The following MSRA variants were observed in gnomAD, a reference collection of about 807,000 sequenced individuals.
MSRA encodes methionine sulfoxide reductase A.
In MSRA, 54 loss-of-function variants were observed where a neutral mutation model predicts 31.3. The ratio of observed to expected loss-of-function variants is 1.73; its 90% CI spans 1.39 to 2.17. The LOEUF (loss-of-function observed/expected upper bound fraction) is 2.17. MSRA is among the 30% of genes most tolerant of loss of function. The pLI is 0.00. For synonymous variants in MSRA, 169 were observed against 116.5 expected (o/e 1.45, Z -2.90); for missense variants, 507 against 300.9 (o/e 1.69, Z -5.07).
intron 5 of MSRA, among the ~76,000 whole-genome samples, chr8:10,322,253 C>A (rs1291621366): frequency 6.7e-6 from 1 of 148,958 alleles, no homozygotes; most frequent in Non-Finnish European, 1.5e-5. Flanking sequence ...AAAGAGAGAG[C>A]AATGACCTTA....
chr8:10,137,777 C>G (rs1466555), intron 1 of MSRA, among the ~76,000 whole-genome samples: 33,180 of 152,020 alleles, frequency 0.22, 4,878 homozygotes, highest in East Asian at 0.56. Flanking sequence ...TTCCAGGTAA[C>G]CCCCTGAAAC....
At chr8:10,405,705 A>C (rs1807762262) in intron 5 of MSRA, among the ~76,000 whole-genome samples, 1 of 152,250 alleles carries the variant, frequency 6.6e-6, no homozygotes, top group Non-Finnish European at 1.5e-5. Context: ...GAATGCATAC[A>C]CAACCATGTG....
At chr8:10,273,361 C>G (rs1326563670) in intron 3 of MSRA, among the ~76,000 whole-genome samples, 2 of 152,166 alleles carry the variant, frequency 1.3e-5, no homozygotes, top group Admixed American at 1.3e-4. Context: ...ACTTTATTCA[C>G]TTAGACATTA....
chr8:10,100,523 T>G (rs1221047485), intron 1 of MSRA, among the ~76,000 whole-genome samples: 1 of 152,048 alleles, frequency 6.6e-6, no homozygotes, highest in African/African-American at 2.4e-5. Context: ...CCATGGAGTC[T>G]AGGGGGCTAG....
intron 3 of MSRA, among the ~76,000 whole-genome samples, chr8:10,263,788 G>A (rs912265517): frequency 1.3e-5 from 2 of 152,196 alleles, no homozygotes; most frequent in Non-Finnish European, 2.9e-5. Flanking sequence ...TTTAGAGTGA[G>A]ATCTTCACAG....
intron 1 of MSRA, among the ~76,000 whole-genome samples, chr8:10,176,151 G>A (rs1001974016): frequency 5.3e-5 from 8 of 152,168 alleles, no homozygotes; most frequent in Admixed American, 5.2e-4. Flanking sequence ...AGTTTGAAAC[G>A]ATCTCAAATT....
At chr8:10,372,824 A>G (rs1392911964) in intron 5 of MSRA, among the ~76,000 whole-genome samples, 1 of 152,264 alleles carries the variant, frequency 6.6e-6, no homozygotes, top group African/African-American at 2.4e-5. Context: ...ACTCCAATAA[A>G]GCTAAAAATA....
rs770641155 is a variant in MSRA at position 10,428,136 on chromosome 8, G to T, written c.544-12G>T. ...GCATGGGAGCTGATGGCGCCTTTCT[G>T]TGTCCCCACAGGTTCTTTCAGAGCA... On this transcript the variant is annotated splice_polypyrimidine_tract_variant and intron_variant, in intron 5 of 5. Coordinates refer to ENST00000317173, the MANE Select transcript of MSRA (RefSeq NM_012331.5). 54 of 1,607,100 alleles carry T rather than the reference G, an allele frequency of 3.4e-5. No homozygotes were observed. The highest frequency in any genetic ancestry group is 4.4e-5 in the Non-Finnish European group (52 of 1,177,954).
At chr8:10,161,316 G>A (rs905586576) in intron 1 of MSRA, among the ~76,000 whole-genome samples, 1 of 152,084 alleles carries the variant, frequency 6.6e-6, no homozygotes, top group African/African-American at 2.4e-5. Flanking sequence ...GGCTGTTTTT[G>A]CTGTTTCCTT....
intron 3 of MSRA, among the ~76,000 whole-genome samples, chr8:10,253,148 G>C (rs1187579514): frequency 3.9e-5 from 6 of 152,166 alleles, no homozygotes; most frequent in Non-Finnish European, 7.3e-5. Flanking sequence ...TGCTGTCCTC[G>C]AATGGTAAAA....
At chr8:10,386,884 A>C (rs1216229571) in intron 5 of MSRA, among the ~76,000 whole-genome samples, 2 of 151,930 alleles carry the variant, frequency 1.3e-5, no homozygotes, top group Non-Finnish European at 2.9e-5. Flanking sequence ...AAAAAAAAAA[A>C]AAAAAAAACA....
At chr8:10,098,105 G>T (rs1173273192) in intron 1 of MSRA, among the ~76,000 whole-genome samples, 1 of 152,002 alleles carries the variant, frequency 6.6e-6, no homozygotes, top group Non-Finnish European at 1.5e-5. Context: ...GTAACATAAT[G>T]CATGCTTCTT....
At chr8:10,343,054 GAC>G (rs1202875145) in intron 5 of MSRA, among the ~76,000 whole-genome samples, 1,464 of 70,654 alleles carry the variant, frequency 0.021, 24 homozygotes, top group African/African-American at 0.087. Context: ...CACACACACA[GAC>G]ACACACACAC....
intron 2 of MSRA, among the ~76,000 whole-genome samples, chr8:10,227,598 A>C (rs1231538341): frequency 6.6e-6 from 1 of 152,170 alleles, no homozygotes; most frequent in Non-Finnish European, 1.5e-5. Flanking sequence ...GAAAAATAGC[A>C]ATGTGTATAA....
intron 5 of MSRA, among the ~76,000 whole-genome samples, chr8:10,381,620 G>C (rs118015407): frequency 6.6e-6 from 1 of 152,190 alleles, no homozygotes; most frequent in Non-Finnish European, 1.5e-5. Context: ...CAAACCTTGT[G>C]GGTGGGGCTC....
rs1462434100 is a variant in MSRA, at chr8:10,263,487, AC to A, written c.331+18267del. 2.6e-5 allele frequency among the ~76,000 whole-genome samples: 4 copies of A among 152,320 alleles called. No individual in the cohort carries two copies. In the East Asian group the frequency reaches 5.8e-4, roughly 22 times the overall value. ...TAATGCCATATGCATTTTTCTGAAA[AC>A]CCTGTATCTCCCTATATGGCAGCCT... On this transcript the variant is annotated intron_variant, in intron 3 of 5. Transcript: ENST00000317173.
At chr8:10,215,221 C>CA (rs1239981328) in intron 2 of MSRA, among the ~76,000 whole-genome samples, 1 of 152,328 alleles carries the variant, frequency 6.6e-6, no homozygotes, top group South Asian at 2.1e-4. Flanking sequence ...CCTCCTCCCA[C>CA]AAAAAGGTTA....
intron 2 of MSRA, among the ~76,000 whole-genome samples, chr8:10,235,049 A>T (rs1035822122): frequency 6.6e-6 from 1 of 152,158 alleles, no homozygotes; most frequent in Non-Finnish European, 1.5e-5. Context: ...GATGATTTAC[A>T]TAACAAATTG....
chr8:10,130,155 C>T (rs1194519466), intron 1 of MSRA, among the ~76,000 whole-genome samples: 1 of 152,124 alleles, frequency 6.6e-6, no homozygotes, highest in Non-Finnish European at 1.5e-5. Flanking sequence ...TCAGGCAGTC[C>T]CTTATCCTCA....
Sources: allele counts gnomAD v4.1 joint callset (sites outside exome capture counted in the v4.1 genomes callset), GRCh38; gene constraint gnomAD v4.1.1; transcripts MANE v1.5; gene names NCBI Gene and HGNC (gene_info 2026-07-23, HGNC 2026-07-21).